The following NDST2 variants were observed in gnomAD, a reference collection of about 807,000 sequenced individuals.
The protein encoded by NDST2 is bifunctional heparan sulfate N-deacetylase/N-sulfotransferase 2.
A neutral mutation model predicts 86.9 loss-of-function variants in NDST2; 32 were observed. That is an observed-to-expected ratio of 0.37 (90% CI 0.28 to 0.49). The LOEUF is 0.49. Ranked by LOEUF, NDST2 falls within the 20% of genes least tolerant of loss-of-function variation. NDST2 has a pLI of 0.97. For synonymous variants in NDST2, 409 were observed against 437.0 expected, an observed-to-expected ratio of 0.94 and a Z score of 0.80; for missense variants, 950 against 1,146.9, an observed-to-expected ratio of 0.83 and a Z score of 2.48.
At chr10:73,809,556 G>C (rs752114819) in intron 2 of NDST2, among the ~76,000 whole-genome samples, 1 of 152,160 alleles carries the variant, frequency 6.6e-6, no homozygotes, top group African/African-American at 2.4e-5. Flanking sequence ...CAGCTCAGAA[G>C]AGTCCCTGAG....
At position 73,806,667 on chromosome 10, in the gene NDST2, T is replaced by A; in HGVS notation, c.1238A>T (p.Gln413Leu). The change falls in exon 5 of 15, where the codon CAG (glutamine) becomes CTG (leucine). Residue 413 changes from glutamine (Q) to leucine (L), a missense_variant. Coordinates refer to ENST00000309979, the MANE Select transcript of NDST2 (RefSeq NM_003635.4). This position sits in a 1 kb window ranked among gnomAD's most constrained non-coding sequence, Gnocchi z 4.5. Reference sequence around the variant, plus strand: ...ATCCAAGGGTCTCACCAGAGCAAACTGTTTGTTGAGCCTCATCTGGTCAGC... The same window carrying A: ...ATCCAAGGGTCTCACCAGAGCAAACAGTTTGTTGAGCCTCATCTGGTCAGC... ...VLADQMRLNK[Q>L]FALEHGIPTD... 1 of 1,613,804 alleles carries A rather than the reference T, an allele frequency of 6.2e-7. No individual in the cohort carries two copies. Among genetic ancestry groups the A allele is most frequent in the Non-Finnish European group, 8.5e-7 (1 of 1,179,746 alleles).
chr10:73,802,363 G>T lies in NDST2; in HGVS notation c.*88C>A. ...TACTGAGGTAGAGGGGGAGGGGCCA[G>T]GCCACTCTAATCCCCCTTGTGGGCC... is the stretch of plus-strand genomic sequence containing the variant. On this transcript the variant is annotated 3_prime_UTR_variant, in exon 15 of 15. Transcript: ENST00000309979. The T allele has an allele frequency of 6.6e-7, 1 of 1,513,982 alleles. No homozygotes were observed. Among genetic ancestry groups the T allele is most frequent in the South Asian group, 1.2e-5 (1 of 85,184 alleles). 93.8% of individuals were successfully genotyped at this position (1,513,982 alleles called of 1,614,324 possible). A position where few individuals can be genotyped will look rare whatever the true frequency, so the allele number is the denominator to read the frequency against.
chr10:73,802,810 GAA>G, intron 13 of NDST2, 34 bp from the exon 14 acceptor site: 1 of 1,599,078 alleles, frequency 6.3e-7, no homozygotes. Flanking sequence ...AGGTGGCAGG[GAA>G]AAGAGAAACT....
chr10:73,804,105 A>G (rs1216161729), intron 9 of NDST2, 89 bp from the exon 10 acceptor site: 8 of 1,512,492 alleles, frequency 5.3e-6, no homozygotes, highest in Non-Finnish European at 7.1e-6. Context: ...TGAAAAAATA[A>G]CCACTCTGGG....
In NDST2 at chr10:73,807,761, G is replaced by A; in HGVS notation, c.628C>T (p.His210Tyr). Residue 210 changes from histidine to tyrosine, a missense_variant, in exon 3 of 15, where the codon CAT (histidine) becomes TAT (tyrosine). By Grantham distance (83) the His-to-Tyr change is moderately conservative. Coordinates refer to ENST00000309979, the MANE Select transcript of NDST2 (RefSeq NM_003635.4). The stretch of plus-strand genomic sequence containing the variant: ...TCTAGGCGGCTGGGGCGTGTGAGAT[G>A]CAGTAGCGGGGCAGAAGGATTCACT... ...YQVNPSAPLL[H>Y]LTRPSRLEPG... is the part of the protein sequence containing the mutation. The A allele has an allele frequency of 1.2e-6, 2 of 1,614,188 alleles. No individual in the cohort carries two copies. The highest frequency in any genetic ancestry group is 1.7e-6 in the Non-Finnish European group (2 of 1,180,042).
At chr10:73,809,950 C>T (rs1321117896) in intron 2 of NDST2, among the ~76,000 whole-genome samples, 1 of 152,084 alleles carries the variant, frequency 6.6e-6, no homozygotes, top group African/African-American at 2.4e-5. Context: ...CCAGGCTGGT[C>T]TTGAACTCCT....
Position 73,802,332 on chromosome 10 carries a change from G to T in NDST2, c.*119C>A. ...TTCCCTTCTCAGCCATCTCAGGCCT[G>T]GGGGCTACTGAGGTAGAGGGGGAGG... On this transcript the variant is annotated 3_prime_UTR_variant, in exon 15 of 15. Transcript: ENST00000309979. 1 of 1,087,180 alleles carries T rather than the reference G, an allele frequency of 9.2e-7. No individual in the cohort carries two copies. Among genetic ancestry groups the T allele is most frequent in the African/African-American group, 1.6e-5 (1 of 63,968 alleles). 67.3% of individuals were successfully genotyped at this position (1,087,180 alleles called of 1,614,324 possible). A position where few individuals can be genotyped will look rare whatever the true frequency, so the allele number is the denominator to read the frequency against.
rs750323374 is a variant in NDST2, at chr10:73,806,005, G to A, written c.1458C>T (p.Gly486=). Residue 486 remains glycine (G), a synonymous_variant, in exon 7 of 15, where the codon GGC becomes GGT. Transcript: ENST00000309979. The surrounding 1 kb of genome is among the most constrained non-coding windows in gnomAD (Gnocchi z 4.5). ...TATAGAAGATTGTGTGAGTGAAGAGGCCACATGTCTGCCGGGGCAGCACCT... is the reference window on the plus strand; with the variant it reads ...TATAGAAGATTGTGTGAGTGAAGAGACCACATGTCTGCCGGGGCAGCACCT... ...GIMVLPRQTC[G]LFTHTIFYNE... is the part of the protein sequence containing the mutation. The A allele has an allele frequency of 3.8e-5, 61 of 1,613,892 alleles. No homozygotes were observed. The highest frequency in any genetic ancestry group is 2.2e-5 in the Non-Finnish European group (26 of 1,179,984).
Position 73,806,543 on chromosome 10 carries a change from A to G in NDST2, c.1249-69T>C. 1.9e-6 allele frequency: 3 copies of G among 1,550,478 alleles called. No homozygotes were observed. The Admixed American group carries it at 5.6e-5, about 29-fold the overall frequency. On this transcript the variant is annotated intron_variant, in intron 5 of 14. Coordinates refer to ENST00000309979, the MANE Select transcript of NDST2 (RefSeq NM_003635.4). The surrounding 1 kb of genome is among the most constrained non-coding windows in gnomAD (Gnocchi z 4.5). The stretch of plus-strand genomic sequence containing the variant: ...GGAGTAGAGGGTAAAGAGGGTGGGG[A>G]AGCCTCCAAATAAAGAAAAACGCAA...
Position 73,802,564 on chromosome 10 carries a change from G to C in NDST2, c.2539C>G (p.Leu847Val). ...PDMDTESRLF[L>V]TDFFRNHNLE... ...TTATGGTTCCGGAAAAAATCCGTAA[G>C]GAAAAGACGGGACTGACAGGAGAAA... The change falls in exon 15 of 15, where the codon CTT becomes GTT. Residue 847 changes from leucine to valine, a missense_variant. Coordinates refer to ENST00000309979, the MANE Select transcript of NDST2 (RefSeq NM_003635.4). The C allele has an allele frequency of 6.2e-7, 1 of 1,614,164 alleles. No individual in the cohort carries two copies. Among genetic ancestry groups the C allele is most frequent in the Non-Finnish European group, 8.5e-7 (1 of 1,180,036 alleles).
In NDST2 at chr10:73,802,657, C is replaced by T. The variant is rs2084011355; in HGVS notation, c.2526+17G>A. 4 of 1,613,940 alleles carry T rather than the reference C, an allele frequency of 2.5e-6. No individual in the cohort carries two copies. Among genetic ancestry groups the T allele is most frequent in the Non-Finnish European group, 3.4e-6 (4 of 1,179,908 alleles). On this transcript the variant is annotated intron_variant, in intron 14 of 14. Transcript: ENST00000309979. ...CTGGAAGTGGAGAGGGATTCCCCTG[C>T]CCCTGGCTTTACTTACCTCAGTGTC...
Position 73,807,897 on chromosome 10 carries a change from A to G in NDST2, c.492T>C (p.Tyr164=), listed in dbSNP as rs751081152. 5 of 1,614,050 alleles carry G rather than the reference A, an allele frequency of 3.1e-6. No individual in the cohort carries two copies. In the South Asian group the frequency reaches 3.3e-5, roughly 11 times the overall value. ...RELLDRYCVE[Y]GVGIIGFFRA... ...GGAAAAAGCCAATGATGCCCACACCATACTCCACGCAGTACCGGTCTAGCA... is the reference window on the plus strand; with the variant it reads ...GGAAAAAGCCAATGATGCCCACACCGTACTCCACGCAGTACCGGTCTAGCA... The change falls in exon 3 of 15, where the codon TAT becomes TAC. Residue 164 remains tyrosine (Y), a synonymous_variant. Transcript: ENST00000309979.
rs894143755 is a variant in NDST2, at chr10:73,802,793, G to C, written c.2424-17C>G. The C allele has an allele frequency of 1.9e-6, 3 of 1,609,362 alleles. No homozygotes were observed. In the African/African-American group the frequency reaches 4.0e-5, roughly 22 times the overall value. On this transcript the variant is annotated splice_polypyrimidine_tract_variant and intron_variant, in intron 13 of 14. Coordinates refer to ENST00000309979, the MANE Select transcript of NDST2 (RefSeq NM_003635.4). ...TCATCAAACCTGCTCAACAGGAAGA[G>C]GCCATGAGGTGGCAGGGAAAAGAGA...
chr10:73,808,839 CAAA>C lies in NDST2; in HGVS notation c.-341-113_-341-111del, dbSNP rs79478385. ...TCCTGCTTACTGGATAATCTGTTCTCAAAAAAAAAAAAAAAAAAGTTTCCTCTA... is the reference window on the plus strand; with the variant it reads ...TCCTGCTTACTGGATAATCTGTTCTCAAAAAAAAAAAAAAAGTTTCCTCTA... On this transcript the variant is annotated intron_variant, in intron 2 of 14. Transcript: ENST00000309979. The surrounding 1 kb of genome is among the most constrained non-coding windows in gnomAD (Gnocchi z 4.3). 1.5e-4 allele frequency: 17 copies of C among 111,316 alleles called. No individual in the cohort carries two copies. The highest frequency in any genetic ancestry group is 5.1e-4 in the East Asian group (2 of 3,934). The allele number at this position is 111,316 out of a possible 1,614,324, so 6.9% of individuals were successfully genotyped here.
Position 73,807,878 on chromosome 10 carries a change from AG to A in NDST2, c.510del (p.Phe172SerfsTer9). 6.2e-7 allele frequency: 1 copy of A among 1,613,936 alleles called. No individual in the cohort carries two copies. Among genetic ancestry groups the A allele is most frequent in the Non-Finnish European group, 8.5e-7 (1 of 1,179,916 alleles). On this transcript the variant is annotated frameshift_variant, in exon 3 of 15. Transcript: ENST00000309979. LOFTEE classifies it high-confidence loss of function. The part of the protein sequence containing the change: ...YCVEYGVGII[G>X]FFRAHEHSLL... ...AGGCTGTGCTCGTGGGCTCGGAAAA[AG>A]CCAATGATGCCCACACCATACTCCA...
At chr10:73,807,069 A>T (rs1565098718) in intron 4 of NDST2, 39 bp downstream of exon 4, 1 of 1,581,988 alleles carries the variant, frequency 6.3e-7, no homozygotes, top group Non-Finnish European at 8.7e-7. Flanking sequence ...GGGACAGGTC[A>T]AACTATGATA....
chr10:73,805,626 G>A lies in NDST2; in HGVS notation c.1707C>T (p.Tyr569=). The part of the protein sequence containing the change: ...TLPPVPLAQK[Y]FELFPQERSP... ...TTCGCTCCTGAGGGAAAAGTTCAAA[G>A]TACTTCTGTGCAAGTGGGACAGGAG... The change falls in exon 8 of 15, where the codon TAC becomes TAT. Residue 569 remains tyrosine (Y), a synonymous_variant. Coordinates refer to ENST00000309979, the MANE Select transcript of NDST2 (RefSeq NM_003635.4). 2 of 1,614,166 alleles carry A rather than the reference G, an allele frequency of 1.2e-6. No individual in the cohort carries two copies. The highest frequency in any genetic ancestry group is 8.5e-7 in the Non-Finnish European group (1 of 1,180,040).
rs2084026929 is a variant in NDST2 at position 73,803,073 on chromosome 10, A to G, written c.2322T>C (p.Ile774=). The G allele has an allele frequency of 1.9e-6, 3 of 1,614,206 alleles. No homozygotes were observed. The highest frequency in any genetic ancestry group is 2.5e-6 in the Non-Finnish European group (3 of 1,180,036). The stretch of plus-strand genomic sequence containing the variant: ...TGGTACGCAGCTCTTGCCCATCCAC[A>G]ATCAGCAACTAAAAGGACAGGGATG... The part of the protein sequence containing the change: ...LTYYPSGQLL[I]VDGQELRTNP... The change falls in exon 13 of 15, where the codon ATT becomes ATC. Residue 774 remains isoleucine (I), a synonymous_variant. Coordinates refer to ENST00000309979, the MANE Select transcript of NDST2 (RefSeq NM_003635.4).
intron 2 of NDST2, among the ~76,000 whole-genome samples, chr10:73,810,528 C>T (rs1489138435): frequency 6.6e-6 from 1 of 152,024 alleles, no homozygotes; most frequent in Admixed American, 6.5e-5. Context: ...CACGAGAAGA[C>T]AGCTGGGGGA....
Sources: allele counts gnomAD v4.1 joint callset (sites outside exome capture counted in the v4.1 genomes callset), GRCh38; gene constraint gnomAD v4.1.1; non-coding constraint Gnocchi (gnomAD v3.1); transcripts MANE v1.5; gene names NCBI Gene and HGNC (gene_info 2026-07-23, HGNC 2026-07-21).